The following ZNF81 variants were observed in gnomAD, a reference collection of about 807,000 sequenced individuals.
ZNF81 encodes the protein zinc finger protein 81.
In ZNF81, 5 loss-of-function variants were observed where a neutral mutation model predicts 32.3. That is an observed-to-expected ratio of 0.15 (90% confidence interval 0.08 to 0.33). ZNF81 has a LOEUF of 0.33. Ranked by LOEUF, ZNF81 falls within the 10% of genes least tolerant of loss-of-function variation. The probability of loss-of-function intolerance (pLI) is 1.00; values close to 1 mark genes in which losing one functional copy is unlikely to be tolerated. For synonymous variants in ZNF81, 163 were observed against 166.8 expected (o/e 0.98, Z 0.17); for missense variants, 379 against 479.8 (o/e 0.79, Z 1.96).
chrX:47,871,212 T>A (rs1180656796), intron 2 of ZNF81, among the ~76,000 whole-genome samples: 2 of 112,044 alleles, frequency 1.8e-5, no homozygotes, highest in Non-Finnish European at 3.8e-5. Flanking sequence ...AACTCGGATA[T>A]TAATTTTCCA....
At chrX:47,846,013 T>A in intron 1 of ZNF81, 92 bp from the exon 2 acceptor site, 1 of 458,083 alleles carries the variant, frequency 2.2e-6, no homozygotes, top group East Asian at 4.1e-5. Flanking sequence ...CTTCACAGTA[T>A]CCAGTGCAGT....
intron 2 of ZNF81, among the ~76,000 whole-genome samples, chrX:47,854,853 T>C (rs1257096709): frequency 8.9e-6 from 1 of 111,802 alleles, no homozygotes; most frequent in Non-Finnish European, 1.9e-5. Context: ...CTCAGCACTT[T>C]GGGAGGCCAA....
intron 2 of ZNF81, among the ~76,000 whole-genome samples, chrX:47,846,869 C>T (rs1185285456): frequency 8.9e-6 from 1 of 111,957 alleles, no homozygotes; most frequent in Non-Finnish European, 1.9e-5. Flanking sequence ...AACTCCACCT[C>T]CCTAAGACAG....
intron 2 of ZNF81, among the ~76,000 whole-genome samples, chrX:47,854,833 C>T (rs1200025042): frequency 8.9e-6 from 1 of 111,907 alleles, no homozygotes; most frequent in African/African-American, 3.2e-5. Flanking sequence ...CGGCGGCTCA[C>T]GCCTGTAATC....
intron 2 of ZNF81, among the ~76,000 whole-genome samples, chrX:47,860,126 TC>T (rs782252269): frequency 2.8e-4 from 31 of 109,672 alleles, no homozygotes; most frequent in African/African-American, 9.6e-4. Context: ...GAGCTCTTAA[TC>T]CCATGCAATT....
At chrX:47,888,832 G>A (rs1412013688) in intron 3 of ZNF81, among the ~76,000 whole-genome samples, 8 of 111,617 alleles carry the variant, frequency 7.2e-5, no homozygotes, top group Non-Finnish European at 1.3e-4. Flanking sequence ...AATGTTAAAG[G>A]TACTTTTAGT....
chrX:47,858,296 C>G (rs60964933), intron 2 of ZNF81, among the ~76,000 whole-genome samples: 154 of 112,242 alleles, frequency 1.4e-3, no homozygotes, highest in African/African-American at 4.9e-3. Context: ...CCAGTTCCTT[C>G]CCCAAACTCA....
In ZNF81 at chrX:47,915,754, G is replaced by T; in HGVS notation, c.1108G>T (p.Val370Leu). ...CNECGKSFFQ[V>L]SSLLRHQTTH... is the part of the protein sequence containing the mutation. ...TGAATGTGGGAAATCATTTTTCCAG[G>T]TGTCATCTCTACTCAGGCATCAGAC... The change falls in exon 5 of 5, where the codon GTG becomes TTG. Residue 370 changes from valine to leucine, a missense_variant. Transcript: ENST00000338637. The T allele has an allele frequency of 8.3e-7, 1 of 1,210,380 alleles. No homozygotes were observed. Among genetic ancestry groups the T allele is most frequent in the Non-Finnish European group, 1.1e-6 (1 of 895,093 alleles).
At chrX:47,907,304 AC>A (rs2058724235) in intron 4 of ZNF81, among the ~76,000 whole-genome samples, 1 of 93,056 alleles carries the variant, frequency 1.1e-5, no homozygotes, top group Admixed American at 1.3e-4. Flanking sequence ...TTCAGATATG[AC>A]CTTTTCTTTA....
chrX:47,861,622 A>G (rs2058540919), intron 2 of ZNF81, among the ~76,000 whole-genome samples: 1 of 111,930 alleles, frequency 8.9e-6, no homozygotes, highest in African/African-American at 3.2e-5. Flanking sequence ...CTGGGCCAAT[A>G]CCAGCAACAC....
At chrX:47,893,214 A>T (rs2058668273) in intron 3 of ZNF81, among the ~76,000 whole-genome samples, 1 of 110,916 alleles carries the variant, frequency 9.0e-6, no homozygotes, top group African/African-American at 3.3e-5. Flanking sequence ...AGGAATGGAT[A>T]GAGGGGTGGA....
intron 1 of ZNF81, chrX:47,842,528 T>A (rs781902022): frequency 3.6e-5 from 4 of 112,020 alleles, no homozygotes; most frequent in Non-Finnish European, 3.8e-5. Context: ...CCTCCTTACC[T>A]TTCTACCTTT....
At chrX:47,891,543 C>T (rs1301897767) in intron 3 of ZNF81, among the ~76,000 whole-genome samples, 1 of 112,219 alleles carries the variant, frequency 8.9e-6, no homozygotes, top group African/African-American at 3.2e-5. Context: ...CATAAGAGCC[C>T]TCATTCCACA....
chrX:47,904,824 C>A (rs1403169922), intron 4 of ZNF81, among the ~76,000 whole-genome samples: 1 of 111,775 alleles, frequency 8.9e-6, no homozygotes, highest in Non-Finnish European at 1.9e-5. Context: ...AAATGTCCAA[C>A]AACGATAGAC....
chrX:47,917,195 T>C lies in ZNF81; in HGVS notation c.*563T>C, dbSNP rs901004713. On this transcript the variant is annotated 3_prime_UTR_variant, in exon 5 of 5. Coordinates refer to ENST00000338637, the MANE Select transcript of ZNF81 (RefSeq NM_007137.5). Reference sequence around the variant, plus strand: ...TCTTACTGAATATGTCTATCAAATATGTTTCTTATTGAATATTTCTATCAA... The same window carrying C: ...TCTTACTGAATATGTCTATCAAATACGTTTCTTATTGAATATTTCTATCAA... 1.7e-5 allele frequency: 5 copies of C among 293,879 alleles called. No homozygotes were observed. The highest frequency in any genetic ancestry group is 2.4e-5 in the Non-Finnish European group (4 of 168,574). 24.2% of individuals were successfully genotyped at this position (293,879 alleles called of 1,213,427 possible). A position where few individuals can be genotyped will look rare whatever the true frequency, so the allele number is the denominator to read the frequency against.
chrX:47,902,572 A>G (rs2058702472), intron 4 of ZNF81, among the ~76,000 whole-genome samples: 1 of 112,583 alleles, frequency 8.9e-6, no homozygotes. Context: ...TTTGCATCAA[A>G]TTTCAAAGGA....
intron 2 of ZNF81, among the ~76,000 whole-genome samples, chrX:47,850,891 GCACACACACACACA>G (rs782209480): frequency 1.9e-4 from 10 of 53,417 alleles, no homozygotes; most frequent in African/African-American, 5.2e-4. Flanking sequence ...AGGCACGCGC[GCACACACACACACA>G]CACACACACA....
At chrX:47,904,042 C>A (rs1230269500) in intron 4 of ZNF81, among the ~76,000 whole-genome samples, 5 of 110,913 alleles carry the variant, frequency 4.5e-5, no homozygotes, top group Admixed American at 1.9e-4. Flanking sequence ...CTTCCTTACA[C>A]CTTATACAAA....
chrX:47,891,911 A>G (rs956317488), intron 3 of ZNF81, among the ~76,000 whole-genome samples: 5 of 111,837 alleles, frequency 4.5e-5, no homozygotes, highest in Non-Finnish European at 9.4e-5. Context: ...TTGACAGTGT[A>G]CCAGGGTCCT....
Sources: gnomAD v4.1 joint callset for allele counts (sites outside exome capture counted in the v4.1 genomes callset) on GRCh38, gnomAD v4.1.1 for gene constraint, MANE v1.5 for transcripts, NCBI Gene and HGNC (gene_info 2026-07-23, HGNC 2026-07-21) for gene names.